The following DYM variants were observed in gnomAD, a reference collection of about 807,000 sequenced individuals.
DYM encodes the protein dymeclin.
A neutral mutation model predicts 93.1 loss-of-function variants in DYM; 78 were observed. The observed-to-expected ratio is 0.84, with a 90% confidence interval of 0.70 to 1.01. The LOEUF is 1.01. Ranked by LOEUF, DYM falls within the 50% of genes least tolerant of loss-of-function variation. The pLI is 0.00. For missense variants in DYM, 789 were observed against 845.0 expected (o/e 0.93, Z 0.82); for synonymous variants, 321 against 319.7 (o/e 1.00, Z -0.04).
intron 8 of DYM, among the ~76,000 whole-genome samples, chr18:49,324,138 C>CAAAAAAAAAAAAAAAAAAA (rs59640889): frequency 1.8e-5 from 1 of 54,436 alleles, no homozygotes; most frequent in Non-Finnish European, 3.2e-5. Flanking sequence ...GGCTCTGTCT[C>CAAAAAAAAAAAAAAAAAAA]AAAAAAAAAA....
intron 8 of DYM, among the ~76,000 whole-genome samples, chr18:49,295,411 TGAACGGG>T (rs2060463390): frequency 8.5e-5 from 13 of 152,224 alleles, no homozygotes; most frequent in Non-Finnish European, 1.8e-4. Context: ...AAATGGGATA[TGAACGGG>T]AGCAGCACAT....
At chr18:49,287,703 G>T (rs1009125394) in intron 8 of DYM, among the ~76,000 whole-genome samples, 2 of 151,926 alleles carry the variant, frequency 1.3e-5, no homozygotes, top group Non-Finnish European at 2.9e-5. Context: ...AAATTAGCCA[G>T]GCGTGGTGGC....
chr18:49,450,878 A>T (rs763214790), intron 1 of DYM, among the ~76,000 whole-genome samples: 31 of 152,192 alleles, frequency 2.0e-4, no homozygotes, highest in Non-Finnish European at 3.4e-4. Flanking sequence ...TCCTTCTGAA[A>T]AGACAGTTTA....
intron 1 of DYM, chr18:49,431,638 C>A (rs2046454412): frequency 6.6e-6 from 1 of 152,086 alleles, no homozygotes; most frequent in South Asian, 2.1e-4. Flanking sequence ...TTTAAAATTA[C>A]CATCACAATG....
chr18:49,076,115 A>C (rs1019699742), intron 17 of DYM, among the ~76,000 whole-genome samples: 5 of 128,130 alleles, frequency 3.9e-5, no homozygotes, highest in African/African-American at 1.2e-4. Context: ...ACTCACCCTT[A>C]ATTTTATTGC....
rs568813814 is a variant in DYM at position 49,086,185 on chromosome 18, A to G, written c.2025+11217T>C. 2.0e-5 allele frequency among the ~76,000 whole-genome samples: 3 copies of G among 152,204 alleles called. No individual in the cohort carries two copies. In the South Asian group the frequency reaches 6.2e-4, roughly 31 times the overall value. On this transcript the variant is annotated intron_variant, in intron 17 of 17. Transcript: ENST00000675505. ...CCTGAAACTGGGTAATTATTTTAAG[A>G]AAGGAATTTCTTCCAGATATGGAGG... is the stretch of plus-strand genomic sequence containing the variant.
chr18:49,214,560 TAA>T (rs528419205), intron 13 of DYM, among the ~76,000 whole-genome samples: 23 of 121,422 alleles, frequency 1.9e-4, no homozygotes, highest in East Asian at 2.3e-4. Context: ...AATCAATGAG[TAA>T]AAAAAAAAAA....
chr18:49,125,158 G>A (rs1007943836), intron 15 of DYM, among the ~76,000 whole-genome samples: 4 of 152,166 alleles, frequency 2.6e-5, no homozygotes, highest in African/African-American at 7.2e-5. Flanking sequence ...TACTCAGGAG[G>A]CTGAGGCAGG....
chr18:49,223,033 G>A (rs2093419494), intron 13 of DYM, among the ~76,000 whole-genome samples: 1 of 152,068 alleles, frequency 6.6e-6, no homozygotes, highest in South Asian at 2.1e-4. Context: ...GAAATAAACA[G>A]GAACACGTAT....
Position 49,241,860 on chromosome 18 carries a change from T to C in DYM, c.1460+15150A>G, listed in dbSNP as rs180872338. ...TTTTTCAAATTAAAAAGGAAAAAGC[T>C]GATCACTCATTTGAGGCTTCTATAA... On this transcript the variant is annotated intron_variant, in intron 13 of 17. Coordinates refer to ENST00000675505, the MANE Select transcript of DYM (RefSeq NM_001353214.3). 3.9e-3 allele frequency among the ~76,000 whole-genome samples: 599 copies of C among 152,386 alleles called. 2 individuals are homozygous for C. The highest frequency in any genetic ancestry group is 5.4e-3 in the Non-Finnish European group (369 of 68,038).
rs1038102206 is a variant in DYM, at chr18:49,040,413, C to T, written c.*3642G>A. Among the ~76,000 whole-genome samples the T allele has an allele frequency of 3.9e-5, 6 of 152,182 alleles. No homozygotes were observed. Among genetic ancestry groups the T allele is most frequent in the Admixed American group, 3.9e-4 (6 of 15,274 alleles). ...TGCTTTGAGTGGGAACTCTGAATAG[C>T]TATACGCTAATGAGATTAAATTTTA... On this transcript the variant is annotated 3_prime_UTR_variant, in exon 18 of 18. Transcript: ENST00000675505.
intron 2 of DYM, among the ~76,000 whole-genome samples, chr18:49,417,656 C>T (rs544602446): frequency 6.6e-6 from 1 of 151,928 alleles, no homozygotes; most frequent in Admixed American, 6.6e-5. Flanking sequence ...AATATACATG[C>T]TATTATTTAT....
chr18:49,312,312 CT>C (rs1410468242), intron 8 of DYM, among the ~76,000 whole-genome samples: 3 of 152,196 alleles, frequency 2.0e-5, no homozygotes, highest in Admixed American at 2.0e-4. Context: ...GGATTGAGAA[CT>C]TGTCTTCCTG....
chr18:49,154,415 A>G (rs2086155735), intron 15 of DYM, among the ~76,000 whole-genome samples: 1 of 151,926 alleles, frequency 6.6e-6, no homozygotes. Context: ...TTTTTTTGAG[A>G]CAGAGTTTCG....
chr18:49,386,546 A>G (rs550373313), intron 3 of DYM, among the ~76,000 whole-genome samples: 133 of 152,316 alleles, frequency 8.7e-4, no homozygotes, highest in Non-Finnish European at 1.4e-3. Context: ...CAAATTGAGG[A>G]ACGTTTTGGA....
intron 13 of DYM, among the ~76,000 whole-genome samples, chr18:49,215,185 C>T (rs2092973451): frequency 6.6e-6 from 1 of 152,218 alleles, no homozygotes; most frequent in Non-Finnish European, 1.5e-5. Context: ...TTTCCTTACA[C>T]TACAGTCTTT....
chr18:49,339,421 T>C (rs1443553998), intron 6 of DYM, among the ~76,000 whole-genome samples: 1 of 152,198 alleles, frequency 6.6e-6, no homozygotes, highest in East Asian at 1.9e-4. Context: ...GAGATCAGCT[T>C]ACAACATAAC....
At chr18:49,129,310 G>A (rs573764775) in intron 15 of DYM, among the ~76,000 whole-genome samples, 9 of 152,186 alleles carry the variant, frequency 5.9e-5, no homozygotes, top group East Asian at 1.9e-4. Flanking sequence ...TTCAGTTTCC[G>A]TGTAGGATGT....
intron 3 of DYM, 57 bp from the exon 4 acceptor site, chr18:49,379,815 G>T: frequency 1.5e-6 from 2 of 1,363,658 alleles, no homozygotes; most frequent in Non-Finnish European, 1.0e-6. Flanking sequence ...ATCAAAGTGA[G>T]CTTATCATAA....
Sources: allele counts gnomAD v4.1 joint callset (sites outside exome capture counted in the v4.1 genomes callset), GRCh38; gene constraint gnomAD v4.1.1; transcripts MANE v1.5; gene names NCBI Gene and HGNC (gene_info 2026-07-23, HGNC 2026-07-21).